HECTD4: variants seen among roughly 807,000 people sequenced by gnomAD.
The protein encoded by HECTD4 is probable E3 ubiquitin-protein ligase HECTD4.
Under a neutral mutation model 471.5 loss-of-function variants are expected in HECTD4, and 114 were observed. The ratio of observed to expected loss-of-function variants is 0.24; its 90% CI spans 0.21 to 0.28. HECTD4 has a LOEUF of 0.28. HECTD4 is among the 10% of genes least tolerant of loss of function. HECTD4 has a pLI of 1.00. For missense variants in HECTD4, 3,866 were observed against 5,651.5 expected (o/e 0.68, Z 10.13); for synonymous variants, 2,012 against 2,256.0 (o/e 0.89, Z 3.07).
chr12:112,335,648 G>A (rs548220093), intron 1 of HECTD4, among the ~76,000 whole-genome samples: 3 of 152,010 alleles, frequency 2.0e-5, no homozygotes, highest in African/African-American at 4.8e-5. Flanking sequence ...AGATCACACC[G>A]CTGCTCTCCA....
In HECTD4 at chr12:112,164,384, G is replaced by A; in HGVS notation, c.12535-109C>T. 7.6e-6 allele frequency: 9 copies of A among 1,181,508 alleles called. 2 individuals are homozygous for A. In the South Asian group the frequency reaches 1.2e-4, roughly 15 times the overall value. The allele number at this position is 1,181,508 out of a possible 1,614,324, so 73.2% of individuals were successfully genotyped here. On this transcript the variant is annotated intron_variant, in intron 72 of 75. Coordinates refer to ENST00000682272, the MANE Select transcript of HECTD4 (RefSeq NM_001388303.1). The stretch of plus-strand genomic sequence containing the variant: ...GCGCAGCTGGTGGGGTCTACCCTCG[G>A]CCGTGTAGATGAGCATGTGACACAG...
chr12:112,256,804 C>T (rs567062162), intron 20 of HECTD4: 6 of 186,854 alleles, frequency 3.2e-5, no homozygotes, highest in East Asian at 2.6e-4. Context: ...TTTTCAAGGG[C>T]GAAGCCCAGT....
chr12:112,248,288 G>T (rs1207338340), intron 26 of HECTD4, 32 bp downstream of exon 26: 1 of 1,547,604 alleles, frequency 6.5e-7, no homozygotes, highest in Non-Finnish European at 8.8e-7. Context: ...TTCCATAAAA[G>T]AAATTGTTTC....
Position 112,302,496 on chromosome 12 carries a change from G to A in HECTD4, c.1335+3568C>T, listed in dbSNP as rs146217961. 3.2e-5 allele frequency: 24 copies of A among 740,266 alleles called. No homozygotes were observed. In the East Asian group the frequency reaches 4.7e-4, roughly 15 times the overall value. 45.9% of individuals were successfully genotyped at this position (740,266 alleles called of 1,614,324 possible). On this transcript the variant is annotated intron_variant, in intron 7 of 75. Coordinates refer to ENST00000682272, the MANE Select transcript of HECTD4 (RefSeq NM_001388303.1). ...CTCTGCTGCTGCAACCTGACATAGC[G>A]GGCCATTTCACAAAGTAGGTGAGTT...
Position 112,235,240 on chromosome 12 carries a change from C to T in HECTD4, c.5752G>A (p.Ala1918Thr), listed in dbSNP as rs372599125. Reference protein sequence around the residue: ...PGCQTVLSPTASEPDTTLTKT... With the variant: ...PGCQTVLSPTTSEPDTTLTKT... ...GTCAATGTGGTGTCAGGTTCAGAAG[C>T]GGTTGGAGAAAGAACTGTCTGACAT... The change falls in exon 37 of 76, where the codon GCT (alanine) becomes ACT (threonine). Residue 1918 changes from alanine (A) to threonine (T), a missense_variant. Around this residue, in one of 16 missense-constraint regions of HECTD4, gnomAD observed 617 missense variants for 915.1 expected, o/e 0.67. Transcript: ENST00000682272. The surrounding 1 kb of genome is among the most constrained non-coding windows in gnomAD (Gnocchi z 5.0). 43 of 1,613,664 alleles carry T rather than the reference C, an allele frequency of 2.7e-5. 1 individual carries two copies. Among genetic ancestry groups the T allele is most frequent in the Middle Eastern group, 1.7e-4 (1 of 6,060 alleles).
At chr12:112,366,022 C>T (rs925107972) in intron 1 of HECTD4, among the ~76,000 whole-genome samples, 3 of 152,020 alleles carry the variant, frequency 2.0e-5, no homozygotes, top group East Asian at 3.9e-4. Context: ...GCGATCCACC[C>T]GCCTCAGCCT....
At chr12:112,169,766 T>TG in intron 69 of HECTD4, 108 bp from the exon 70 acceptor site, 1 of 1,304,854 alleles carries the variant, frequency 7.7e-7, no homozygotes, top group Non-Finnish European at 1.1e-6. Flanking sequence ...CCTGGACCCC[T>TG]GCTCCCTCGC....
chr12:112,170,873 C>T (rs973357906), intron 68 of HECTD4: 2 of 509,050 alleles, frequency 3.9e-6, no homozygotes, highest in Non-Finnish European at 6.9e-6. Flanking sequence ...TATATGATTT[C>T]TAATTAATTT....
intron 11 of HECTD4, 135 bp downstream of exon 11, chr12:112,273,520 A>C (rs1291827055): frequency 1.4e-6 from 1 of 700,930 alleles, no homozygotes; most frequent in African/African-American, 1.8e-5. Flanking sequence ...AAAGGACTTT[A>C]GGTTTCAAAA....
intron 48 of HECTD4, 128 bp from the exon 49 acceptor site, chr12:112,212,778 T>C (rs1306008847): frequency 3.1e-6 from 2 of 648,076 alleles, no homozygotes; most frequent in Admixed American, 3.5e-5. Flanking sequence ...GAAATGGACA[T>C]GAAGTTATTG....
intron 1 of HECTD4, among the ~76,000 whole-genome samples, chr12:112,338,330 AGAAATACCT>A (rs1298018557): frequency 1.3e-5 from 2 of 152,340 alleles, no homozygotes; most frequent in Admixed American, 1.3e-4. Context: ...ATTGGTATAA[AGAAATACCT>A]GAGGCCGGGC....
At chr12:112,219,520 ACAACTCCCG>A (rs2033029700) in intron 44 of HECTD4, 31 bp from the exon 45 acceptor site, 4 of 1,529,200 alleles carry the variant, frequency 2.6e-6, no homozygotes, top group Non-Finnish European at 3.6e-6. Flanking sequence ...ATCTGTGAAA[ACAACTCCCG>A]CAACTCCCAA....
At chr12:112,302,291 C>A in intron 7 of HECTD4, 5 of 799,462 alleles carry the variant, frequency 6.3e-6, no homozygotes, top group South Asian at 4.2e-5. Flanking sequence ...AGTGGGGACG[C>A]CCCCTTTGCC....
At chr12:112,367,838 A>C (rs549879439) in intron 1 of HECTD4, among the ~76,000 whole-genome samples, 244 of 149,874 alleles carry the variant, frequency 1.6e-3, no homozygotes, top group East Asian at 9.4e-3. Flanking sequence ...AAAAAAAAAA[A>C]AAAAAAAAAA....
chr12:112,329,616 C>A (rs1239904487), intron 1 of HECTD4, among the ~76,000 whole-genome samples: 3 of 152,118 alleles, frequency 2.0e-5, no homozygotes, highest in Admixed American at 2.0e-4. Context: ...GATCCGCCCA[C>A]CTCGGCGTCC....
chr12:112,368,676 G>A (rs1168170839), intron 1 of HECTD4, among the ~76,000 whole-genome samples: 1 of 152,120 alleles, frequency 6.6e-6, no homozygotes, highest in Non-Finnish European at 1.5e-5. Context: ...ATAAAAATAT[G>A]AGCTGAAGAA....
At chr12:112,331,444 T>G (rs1019265001) in intron 1 of HECTD4, among the ~76,000 whole-genome samples, 1 of 152,156 alleles carries the variant, frequency 6.6e-6, no homozygotes, top group Non-Finnish European at 1.5e-5. Flanking sequence ...TTGGGGGAAC[T>G]AGGTTCTATG....
rs746652642 is a variant in HECTD4 at position 112,172,857 on chromosome 12, C to A, written c.11599G>T (p.Ala3867Ser). Residue 3867 changes from alanine (A) to serine (S), a missense_variant, in exon 67 of 76, where the codon GCA becomes TCA. Ala to Ser is a moderately conservative substitution (Grantham distance 99). Around this residue, in one of 16 missense-constraint regions of HECTD4, gnomAD observed 715 missense variants for 1,087.6 expected, o/e 0.66. Transcript: ENST00000682272. ...TGTGCATGTCGGACATCGATGCATG[C>A]GCACCTTGGGGTGGGGACAGGGGGA... ...CGYDLHFERCACIDVRHAQKA... is the reference protein window; with the variant it reads ...CGYDLHFERCSCIDVRHAQKA... 3 of 1,613,672 alleles carry A rather than the reference C, an allele frequency of 1.9e-6. No individual in the cohort carries two copies. Among genetic ancestry groups the A allele is most frequent in the East Asian group, 2.2e-5 (1 of 44,896 alleles).
chr12:112,369,340 C>CTTTTT, intron 1 of HECTD4, among the ~76,000 whole-genome samples: 1 of 129,230 alleles, frequency 7.7e-6, no homozygotes. Context: ...CCTAGGATTT[C>CTTTTT]TTTTTTTTTT....
Sources: allele counts gnomAD v4.1 joint callset (sites outside exome capture counted in the v4.1 genomes callset), GRCh38; gene constraint gnomAD v4.1.1; regional missense constraint gnomAD v4.1.1; non-coding constraint Gnocchi (gnomAD v3.1); transcripts MANE v1.5; gene names NCBI Gene and HGNC (gene_info 2026-07-23, HGNC 2026-07-21).